The following ARMH3 variants were observed in gnomAD, a reference collection of about 807,000 sequenced individuals.
ARMH3 encodes the protein armadillo-like helical domain-containing protein 3.
ARMH3 carries 60 observed loss-of-function variants against 99.1 expected under a neutral mutation model. The observed-to-expected ratio is 0.61, with a 90% CI of 0.49 to 0.75. ARMH3 has a LOEUF of 0.75. Among genes scored for constraint, ARMH3 ranks in the 30% least tolerant of loss-of-function variants. The probability of loss-of-function intolerance (pLI) is 0.00; values close to 1 mark genes in which losing one functional copy is unlikely to be tolerated. For missense variants in ARMH3, 679 were observed against 843.1 expected (o/e 0.81, Z 2.41); for synonymous variants, 285 against 292.8 (o/e 0.97, Z 0.27).
intron 20 of ARMH3, among the ~76,000 whole-genome samples, chr10:101,960,671 A>ACC (rs1845253929): frequency 6.6e-6 from 1 of 151,902 alleles, no homozygotes; most frequent in African/African-American, 2.4e-5. Context: ...CAGGCTGATC[A>ACC]TGAGGTCAGG....
At chr10:101,962,368 T>C (rs572493423) in intron 20 of ARMH3, among the ~76,000 whole-genome samples, 1 of 152,040 alleles carries the variant, frequency 6.6e-6, no homozygotes, top group African/African-American at 2.4e-5. Flanking sequence ...TTAATAACTG[T>C]GTCCAGAAGC....
At position 101,942,060 on chromosome 10, in the gene ARMH3, C is replaced by A. The variant is rs1238271036; in HGVS notation, c.1706-2122G>T. On this transcript the variant is annotated intron_variant, in intron 22 of 25. Transcript: ENST00000370033. ...GCTCTGTTCCTTACTGAACAGGCAC[C>A]CAGATGACCTCATCACTACATTTCC... 4.5e-4 allele frequency among the ~76,000 whole-genome samples: 68 copies of A among 152,196 alleles called. 1 individual carries two copies. The highest frequency in any genetic ancestry group is 2.9e-5 in the Non-Finnish European group (2 of 68,018).
At chr10:101,956,136 G>C (rs1273304815) in intron 22 of ARMH3, among the ~76,000 whole-genome samples, 1 of 151,980 alleles carries the variant, frequency 6.6e-6, no homozygotes, top group African/African-American at 2.4e-5. Flanking sequence ...ATCACCAAAA[G>C]ATTTGCAAAA....
At chr10:102,005,796 G>A (rs1290122368) in intron 14 of ARMH3, among the ~76,000 whole-genome samples, 3 of 152,048 alleles carry the variant, frequency 2.0e-5, no homozygotes, top group Admixed American at 6.6e-5. Context: ...TTAGGTTCCA[G>A]CCATAAGATT....
intron 1 of ARMH3, among the ~76,000 whole-genome samples, chr10:102,055,865 G>C (rs1346650923): frequency 6.6e-6 from 1 of 152,214 alleles, no homozygotes; most frequent in Non-Finnish European, 1.5e-5. Flanking sequence ...GAAGAGCGAA[G>C]CCGTTTCTCT....
intron 19 of ARMH3, among the ~76,000 whole-genome samples, chr10:101,977,117 T>C (rs1014313127): frequency 2.6e-5 from 4 of 152,210 alleles, no homozygotes; most frequent in Non-Finnish European, 4.4e-5. Context: ...TAATGGCTAC[T>C]ATAGTGAACA....
At chr10:101,909,735 C>T (rs1054734121) in intron 23 of ARMH3, among the ~76,000 whole-genome samples, 4 of 152,124 alleles carry the variant, frequency 2.6e-5, no homozygotes, top group South Asian at 2.1e-4. Context: ...GCTGGGATTA[C>T]AGGAGTGAGC....
chr10:101,970,411 C>T (rs1014481154), intron 20 of ARMH3, among the ~76,000 whole-genome samples: 12 of 152,280 alleles, frequency 7.9e-5, no homozygotes, highest in East Asian at 5.8e-4. Flanking sequence ...TATTATTATT[C>T]GGCTCAAACA....
chr10:101,914,945 T>C (rs929355112), intron 23 of ARMH3, among the ~76,000 whole-genome samples: 4 of 152,092 alleles, frequency 2.6e-5, no homozygotes, highest in Non-Finnish European at 5.9e-5. Context: ...AAACTTATTT[T>C]TACAAGGTTA....
intron 23 of ARMH3, among the ~76,000 whole-genome samples, chr10:101,924,069 T>C (rs1843408004): frequency 6.6e-6 from 1 of 152,158 alleles, no homozygotes; most frequent in African/African-American, 2.4e-5. Context: ...TGGATAAAGA[T>C]GTAGAAGGCG....
intron 22 of ARMH3, among the ~76,000 whole-genome samples, chr10:101,950,626 C>G (rs998406794): frequency 3.3e-5 from 5 of 152,092 alleles, no homozygotes; most frequent in South Asian, 4.1e-4. Flanking sequence ...AAAAAGGGAA[C>G]GAAGTACTGT....
chr10:101,886,268 C>T (rs557078684), intron 24 of ARMH3, among the ~76,000 whole-genome samples: 5 of 152,018 alleles, frequency 3.3e-5, no homozygotes, highest in Non-Finnish European at 5.9e-5. Context: ...AATGCCAGCA[C>T]TTTGGGAGGC....
chr10:101,864,073 AAAAAAACACAC>A (rs2066937085), intron 24 of ARMH3, among the ~76,000 whole-genome samples: 1 of 131,516 alleles, frequency 7.6e-6, no homozygotes, highest in Non-Finnish European at 1.7e-5. Context: ...AAAAAAAAAA[AAAAAAACACAC>A]ACACACACAC....
intron 16 of ARMH3, among the ~76,000 whole-genome samples, chr10:101,993,831 A>G (rs1846926283): frequency 6.6e-6 from 1 of 152,178 alleles, no homozygotes; most frequent in Non-Finnish European, 1.5e-5. Flanking sequence ...TCCAAGCAAA[A>G]ACAATAAAAA....
chr10:101,901,468 T>C (rs2067976443), intron 23 of ARMH3, among the ~76,000 whole-genome samples: 1 of 152,194 alleles, frequency 6.6e-6, no homozygotes, highest in Admixed American at 6.5e-5. Flanking sequence ...TGAATCTTAT[T>C]ACAGTGCACT....
At chr10:101,939,581 C>T (rs918332163) in intron 23 of ARMH3, among the ~76,000 whole-genome samples, 1 of 152,164 alleles carries the variant, frequency 6.6e-6, no homozygotes, top group African/African-American at 2.4e-5. Flanking sequence ...ATGACCTATA[C>T]ATAGAGAACA....
At chr10:102,019,721 A>C (rs1181302420) in intron 8 of ARMH3, among the ~76,000 whole-genome samples, 1 of 151,774 alleles carries the variant, frequency 6.6e-6, no homozygotes, top group African/African-American at 2.4e-5. Context: ...AGGTCAGGAG[A>C]TCGAGACCAT....
intron 4 of ARMH3, among the ~76,000 whole-genome samples, chr10:102,031,705 G>A (rs1275016430): frequency 6.6e-6 from 1 of 152,132 alleles, no homozygotes; most frequent in African/African-American, 2.4e-5. Flanking sequence ...TCTATCACAA[G>A]TTCCAATAAA....
intron 19 of ARMH3, among the ~76,000 whole-genome samples, chr10:101,975,968 C>G (rs1224924123): frequency 6.8e-6 from 1 of 147,476 alleles, no homozygotes; most frequent in Admixed American, 6.9e-5. Flanking sequence ...TCCTGGCTAA[C>G]AAGGTGAAAC....
Sources: gnomAD v4.1 joint callset for allele counts (sites outside exome capture counted in the v4.1 genomes callset) on GRCh38, gnomAD v4.1.1 for gene constraint, MANE v1.5 for transcripts, NCBI Gene and HGNC (gene_info 2026-07-23, HGNC 2026-07-21) for gene names.